SH3GL2: variants seen among roughly 807,000 people sequenced by gnomAD.
The protein encoded by SH3GL2 is SH3 domain containing GRB2 like 2, endophilin A1, also known as endophilin-A1.
SH3GL2 carries 24 observed loss-of-function variants against 46.0 expected under a neutral mutation model. The observed-to-expected ratio is 0.52, with a 90% CI of 0.38 to 0.73. SH3GL2 has a LOEUF of 0.73. SH3GL2 is among the 30% of genes least tolerant of loss of function. The pLI is 0.00. For missense variants in SH3GL2, 413 were observed against 424.2 expected (o/e 0.97, Z 0.23); for synonymous variants, 196 against 147.1 (o/e 1.33, Z -2.40).
At chr9:17,765,766 G>T (rs1410142667) in intron 3 of SH3GL2, among the ~76,000 whole-genome samples, 1 of 152,114 alleles carries the variant, frequency 6.6e-6, no homozygotes, top group Non-Finnish European at 1.5e-5. Context: ...TTTCAGTGGG[G>T]CACATGCCAT....
chr9:17,630,999 A>T lies in SH3GL2; in HGVS notation c.45+51712A>T, dbSNP rs533943838. ...CCAATTAGGATGATGGGGAGGAGAGATAAGTAGCAATAGATTTAATATGTG... is the reference window on the plus strand; with the variant it reads ...CCAATTAGGATGATGGGGAGGAGAGTTAAGTAGCAATAGATTTAATATGTG... On this transcript the variant is annotated intron_variant, in intron 1 of 8. Coordinates refer to ENST00000380607, the MANE Select transcript of SH3GL2 (RefSeq NM_003026.5). Among the ~76,000 whole-genome samples, 404 of 152,296 alleles carry T rather than the reference A, an allele frequency of 2.7e-3. 1 individual carries two copies. The highest frequency in any genetic ancestry group is 9.3e-3 in the African/African-American group (387 of 41,550).
At chr9:17,617,857 G>A (rs918134116) in intron 1 of SH3GL2, among the ~76,000 whole-genome samples, 27 of 152,058 alleles carry the variant, frequency 1.8e-4, no homozygotes, top group African/African-American at 6.3e-4. Flanking sequence ...GTTTGTGAGC[G>A]CGAGAGAAGG....
intron 1 of SH3GL2, among the ~76,000 whole-genome samples, chr9:17,744,194 A>G (rs1382973669): frequency 1.3e-5 from 2 of 152,142 alleles, no homozygotes; most frequent in Non-Finnish European, 2.9e-5. Context: ...ACAAGAGGGG[A>G]CTGACATGTG....
chr9:17,754,056 G>C (rs1822921726), intron 2 of SH3GL2, among the ~76,000 whole-genome samples: 1 of 152,270 alleles, frequency 6.6e-6, no homozygotes, highest in African/African-American at 2.4e-5. Context: ...TTTTGTACCA[G>C]TACCATGCTG....
At chr9:17,740,513 C>A (rs1410703514) in intron 1 of SH3GL2, among the ~76,000 whole-genome samples, 2 of 124,990 alleles carry the variant, frequency 1.6e-5, no homozygotes, top group Admixed American at 1.6e-4. Flanking sequence ...TGTTTTGGTA[C>A]TTTACTAAAT....
At chr9:17,764,674 G>A (rs1394931884) in intron 3 of SH3GL2, among the ~76,000 whole-genome samples, 3 of 136,702 alleles carry the variant, frequency 2.2e-5, no homozygotes, top group Non-Finnish European at 3.2e-5. Flanking sequence ...ACTGCTCCCG[G>A]GTGCTTGCTG....
intron 1 of SH3GL2, among the ~76,000 whole-genome samples, chr9:17,743,254 G>C (rs554350291): frequency 6.6e-6 from 1 of 152,276 alleles, no homozygotes; most frequent in South Asian, 2.1e-4. Flanking sequence ...TCGGGGCCTT[G>C]ATATATTTAG....
chr9:17,786,998 ATCT>A (rs1427712276), intron 4 of SH3GL2, among the ~76,000 whole-genome samples: 2 of 152,070 alleles, frequency 1.3e-5, no homozygotes, highest in East Asian at 3.9e-4. Flanking sequence ...CACACCCAAC[ATCT>A]TCTATTTTCA....
At chr9:17,784,245 A>C (rs949916650) in intron 3 of SH3GL2, among the ~76,000 whole-genome samples, 3 of 152,172 alleles carry the variant, frequency 2.0e-5, no homozygotes, top group African/African-American at 7.2e-5. Flanking sequence ...TCATAATTGA[A>C]CAACATTCAA....
chr9:17,705,148 A>G (rs1389883410), intron 1 of SH3GL2, among the ~76,000 whole-genome samples: 1 of 152,084 alleles, frequency 6.6e-6, no homozygotes, highest in African/African-American at 2.4e-5. Flanking sequence ...AACATGCTCA[A>G]CATCACTGAT....
intron 1 of SH3GL2, among the ~76,000 whole-genome samples, chr9:17,603,529 A>G (rs1472974779): frequency 6.6e-6 from 1 of 152,142 alleles, no homozygotes; most frequent in Non-Finnish European, 1.5e-5. Flanking sequence ...AGAGATGGAA[A>G]GAGTTCTAGA....
At chr9:17,657,924 T>G (rs1449605572) in intron 1 of SH3GL2, among the ~76,000 whole-genome samples, 1 of 152,212 alleles carries the variant, frequency 6.6e-6, no homozygotes, top group Non-Finnish European at 1.5e-5. Context: ...CATTTTGTGG[T>G]ACCCTGGACA....
chr9:17,748,144 A>G (rs960914985), intron 2 of SH3GL2, among the ~76,000 whole-genome samples: 4 of 152,192 alleles, frequency 2.6e-5, no homozygotes, highest in African/African-American at 7.2e-5. Flanking sequence ...TTCTTGGGAC[A>G]TGAGCCATAT....
chr9:17,579,325 G>C (rs925286634), intron 1 of SH3GL2, 38 bp downstream of exon 1: 21 of 1,471,102 alleles, frequency 1.4e-5, no homozygotes, highest in Non-Finnish European at 1.9e-5. Flanking sequence ...GGCAGTCCGG[G>C]GCGAAGCTGC....
intron 1 of SH3GL2, among the ~76,000 whole-genome samples, chr9:17,623,393 G>T (rs142609147): frequency 1.3e-5 from 2 of 152,224 alleles, no homozygotes; most frequent in East Asian, 1.9e-4. Flanking sequence ...AATGGAATTA[G>T]ATTCTATATA....
intron 1 of SH3GL2, among the ~76,000 whole-genome samples, chr9:17,688,428 A>T (rs1452377631): frequency 1.3e-5 from 2 of 152,048 alleles, no homozygotes; most frequent in African/African-American, 2.4e-5. Context: ...GAAGCTCTGG[A>T]TACATTATTT....
chr9:17,584,083 G>T (rs1818325150), intron 1 of SH3GL2, among the ~76,000 whole-genome samples: 1 of 152,080 alleles, frequency 6.6e-6, no homozygotes, highest in Non-Finnish European at 1.5e-5. Flanking sequence ...GCTGCAAGGG[G>T]CCTATATATT....
intron 1 of SH3GL2, among the ~76,000 whole-genome samples, chr9:17,615,524 G>A (rs1818970215): frequency 1.3e-5 from 2 of 151,738 alleles, no homozygotes; most frequent in Admixed American, 1.3e-4. Context: ...GCGTGGCAGC[G>A]GGCGCCTGTA....
At chr9:17,642,943 A>T (rs1481511593) in intron 1 of SH3GL2, among the ~76,000 whole-genome samples, 3 of 152,212 alleles carry the variant, frequency 2.0e-5, no homozygotes, top group East Asian at 3.8e-4. Flanking sequence ...TGGTAGTTTG[A>T]TGGAAATAGC....
Sources: allele counts gnomAD v4.1 joint callset (sites outside exome capture counted in the v4.1 genomes callset), GRCh38; gene constraint gnomAD v4.1.1; transcripts MANE v1.5; gene names NCBI Gene and HGNC (gene_info 2026-07-23, HGNC 2026-07-21).